TMEM45B: variants seen among roughly 807,000 people sequenced by gnomAD.
TMEM45B encodes transmembrane protein 45B.
TMEM45B carries 29 observed loss-of-function variants against 27.3 expected under a neutral mutation model. The observed-to-expected ratio is 1.06, with a 90% CI of 0.79 to 1.45. TMEM45B has a LOEUF of 1.45. Among genes scored for constraint, TMEM45B ranks in the 40% most tolerant of loss-of-function variants. TMEM45B has a pLI of 0.00. For missense variants in TMEM45B, 348 were observed against 343.9 expected (o/e 1.01, Z -0.09); for synonymous variants, 143 against 134.7 (o/e 1.06, Z -0.43).
chr11:129,837,585 CT>C (rs200040338), intron 1 of TMEM45B, among the ~76,000 whole-genome samples: 33,414 of 80,302 alleles, frequency 0.42, 8,925 homozygotes, highest in East Asian at 0.63. Context: ...CTGCACTGGG[CT>C]TTTTTTTTTT....
chr11:129,858,177 T>C (rs563982461), intron 5 of TMEM45B, among the ~76,000 whole-genome samples: 1 of 152,308 alleles, frequency 6.6e-6, no homozygotes, highest in South Asian at 2.1e-4. Flanking sequence ...TGCCTCTACC[T>C]TTTCTTCTAG....
intron 4 of TMEM45B, among the ~76,000 whole-genome samples, chr11:129,857,029 T>A (rs1332606270): frequency 6.6e-6 from 1 of 151,980 alleles, no homozygotes; most frequent in African/African-American, 2.4e-5. Context: ...ATTTTTTGTA[T>A]TTTTAGTAGA....
At chr11:129,840,309 A>G (rs1947673813) in intron 1 of TMEM45B, among the ~76,000 whole-genome samples, 1 of 152,232 alleles carries the variant, frequency 6.6e-6, no homozygotes, top group African/African-American at 2.4e-5. Flanking sequence ...TGAATTTTAG[A>G]CGAGGTAAAA....
At chr11:129,846,880 A>C (rs1314384869) in intron 1 of TMEM45B, among the ~76,000 whole-genome samples, 1 of 152,182 alleles carries the variant, frequency 6.6e-6, no homozygotes, top group Admixed American at 6.5e-5. Context: ...CAATGTCCTG[A>C]AGCAGGAATG....
intron 1 of TMEM45B, among the ~76,000 whole-genome samples, chr11:129,831,500 G>A (rs1947546139): frequency 6.6e-6 from 1 of 152,194 alleles, no homozygotes; most frequent in Non-Finnish European, 1.5e-5. Context: ...TCAGAATGGT[G>A]TGCCATTTAA....
intron 1 of TMEM45B, among the ~76,000 whole-genome samples, chr11:129,826,567 A>AGAAAAAAGAAAAAT (rs1555069265): frequency 2.0e-4 from 19 of 96,126 alleles, no homozygotes; most frequent in African/African-American, 6.5e-4. Flanking sequence ...AAAAAAAAAA[A>AGAAAAAAGAAAAAT]AGGACCCTGA....
intron 1 of TMEM45B, among the ~76,000 whole-genome samples, chr11:129,843,089 G>A (rs1473483920): frequency 2.0e-5 from 3 of 152,118 alleles, no homozygotes; most frequent in Non-Finnish European, 2.9e-5. Flanking sequence ...ACAGGCATGC[G>A]CCACCACGGC....
At chr11:129,821,459 G>A (rs538962260) in intron 1 of TMEM45B, among the ~76,000 whole-genome samples, 2 of 152,078 alleles carry the variant, frequency 1.3e-5, no homozygotes, top group Admixed American at 1.3e-4. Context: ...GCCATCTCTT[G>A]TGGAATACAT....
At chr11:129,822,412 A>G (rs180800955) in intron 1 of TMEM45B, among the ~76,000 whole-genome samples, 2 of 152,282 alleles carry the variant, frequency 1.3e-5, no homozygotes, top group African/African-American at 2.4e-5. Flanking sequence ...ATCTGTGAGC[A>G]TGGCTTGTAG....
At chr11:129,821,086 T>C (rs745671192) in intron 1 of TMEM45B, among the ~76,000 whole-genome samples, 4 of 152,166 alleles carry the variant, frequency 2.6e-5, no homozygotes, top group Non-Finnish European at 4.4e-5. Context: ...ATGTTTGGTG[T>C]ATATATTATT....
At chr11:129,836,146 A>G (rs1591440609) in intron 1 of TMEM45B, among the ~76,000 whole-genome samples, 1 of 152,080 alleles carries the variant, frequency 6.6e-6, no homozygotes, top group East Asian at 1.9e-4. Context: ...ATTGAACGGA[A>G]TTTGCCCTAC....
chr11:129,849,670 T>C (rs546508369), intron 1 of TMEM45B, among the ~76,000 whole-genome samples: 29 of 152,148 alleles, frequency 1.9e-4, no homozygotes, highest in Non-Finnish European at 4.3e-4. Flanking sequence ...ACTTGCGCCC[T>C]CTGGAGCAGT....
intron 1 of TMEM45B, chr11:129,850,719 C>T (rs1320780670): frequency 2.0e-5 from 3 of 152,168 alleles, no homozygotes; most frequent in Non-Finnish European, 2.9e-5. Context: ...GTATCTCTAT[C>T]AACATTCTGT....
chr11:129,838,352 C>G (rs1947649873), intron 1 of TMEM45B, among the ~76,000 whole-genome samples: 1 of 152,060 alleles, frequency 6.6e-6, no homozygotes, highest in Non-Finnish European at 1.5e-5. Context: ...ACCACCAGTC[C>G]CCGTTGTGAG....
At chr11:129,853,572 C>G (rs537124977) in intron 2 of TMEM45B, among the ~76,000 whole-genome samples, 3 of 152,162 alleles carry the variant, frequency 2.0e-5, no homozygotes, top group African/African-American at 7.2e-5. Context: ...CTAAATAAAG[C>G]TAGGACAATT....
At position 129,855,487 on chromosome 11, in the gene TMEM45B, C is replaced by T. The variant is rs112380906; in HGVS notation, c.386-221C>T. The stretch of plus-strand genomic sequence containing the variant: ...TTCAGCCGGCCCATCCTATACTGAC[C>T]CCACCATGGGTTCCATAGAGATTTT... On this transcript the variant is annotated intron_variant, in intron 3 of 5. Coordinates refer to ENST00000281441, the MANE Select transcript of TMEM45B (RefSeq NM_138788.5). Among the ~76,000 whole-genome samples, 252 of 152,280 alleles carry T rather than the reference C, an allele frequency of 1.7e-3. 1 individual carries two copies. Among genetic ancestry groups the T allele is most frequent in the African/African-American group, 5.9e-3 (244 of 41,556 alleles).
At position 129,852,472 on chromosome 11, in the gene TMEM45B, T is replaced by G. The variant is rs767868460; in HGVS notation, c.-8-3T>G. ...ACCTAACAGCCTTCCCCTAATTTTT[T>G]AGGTGTCCTGATGGCAAATTTCAAG... On this transcript the variant is annotated splice_region_variant and splice_polypyrimidine_tract_variant and intron_variant, in intron 1 of 5. Transcript: ENST00000281441. The G allele has an allele frequency of 6.3e-6, 10 of 1,581,842 alleles. No individual in the cohort carries two copies. The highest frequency in any genetic ancestry group is 8.7e-6 in the Non-Finnish European group (10 of 1,155,536).
Position 129,841,584 on chromosome 11 carries a change from G to GTTTT in TMEM45B, c.-8-10887_-8-10884dup, listed in dbSNP as rs1192996579. 1.0e-3 allele frequency among the ~76,000 whole-genome samples: 105 copies of GTTTT among 102,548 alleles called. 1 individual carries two copies. Among genetic ancestry groups the GTTTT allele is most frequent in the African/African-American group, 3.3e-3 (93 of 28,216 alleles). 67.3% of individuals were successfully genotyped at this position (102,548 alleles called of 152,430 possible). ...TGTAATGGGCTTGAAGTTTTCTTTT[G>GTTTT]TTTTTTTGTTTTTTTTTTTTTTTTG... is the stretch of plus-strand genomic sequence containing the variant. On this transcript the variant is annotated intron_variant, in intron 1 of 5. Transcript: ENST00000281441.
intron 1 of TMEM45B, among the ~76,000 whole-genome samples, chr11:129,824,242 C>T (rs911710227): frequency 6.6e-5 from 10 of 152,168 alleles, no homozygotes; most frequent in African/African-American, 1.9e-4. Flanking sequence ...GTTTCTCAAT[C>T]GTCAGCACTA....
Sources: allele counts gnomAD v4.1 joint callset (sites outside exome capture counted in the v4.1 genomes callset), GRCh38; gene constraint gnomAD v4.1.1; transcripts MANE v1.5; gene names NCBI Gene and HGNC (gene_info 2026-07-23, HGNC 2026-07-21).